The following OSBPL8 variants were observed in gnomAD, a reference collection of about 807,000 sequenced individuals.
OSBPL8 encodes the protein oxysterol binding protein like 8.
OSBPL8 carries 59 observed loss-of-function variants against 125.5 expected under a neutral mutation model. That is an observed-to-expected ratio of 0.47 (90% CI 0.38 to 0.58). The LOEUF is 0.58. Among genes scored for constraint, OSBPL8 ranks in the 20% least tolerant of loss-of-function variants. OSBPL8 has a pLI of 0.00. For synonymous variants in OSBPL8, 330 were observed against 338.9 expected (o/e 0.97, Z 0.29); for missense variants, 758 against 1,047.8 (o/e 0.72, Z 3.82).
At chr12:76,394,542 A>T in intron 9 of OSBPL8, 103 bp downstream of exon 9, 2 of 797,434 alleles carry the variant, frequency 2.5e-6, no homozygotes, top group Non-Finnish European at 2.0e-6. Flanking sequence ...TTCTGCTGCA[A>T]ATGCCATACT....
At chr12:76,447,719 T>G (rs145417497) in intron 4 of OSBPL8, among the ~76,000 whole-genome samples, 1 of 152,166 alleles carries the variant, frequency 6.6e-6, no homozygotes, top group African/African-American at 2.4e-5. Flanking sequence ...AATTTTTTTG[T>G]ATTTTTAAGT....
chr12:76,434,915 T>C (rs540845403), intron 4 of OSBPL8, among the ~76,000 whole-genome samples: 30 of 152,244 alleles, frequency 2.0e-4, no homozygotes, highest in Admixed American at 1.8e-3. Context: ...AGAAAATAAA[T>C]TGGTACATCT....
At position 76,536,298 on chromosome 12, in the gene OSBPL8, C is replaced by A. The variant is rs61925555; in HGVS notation, c.-68+23099G>T. On this transcript the variant is annotated intron_variant, in intron 1 of 23. Coordinates refer to ENST00000261183, the MANE Select transcript of OSBPL8 (RefSeq NM_020841.5). ...GGTCAAAAGTTAGAGACCTGCCTGGCCAACATGGTGAAACTAAAAATACCA... is the reference window on the plus strand; with the variant it reads ...GGTCAAAAGTTAGAGACCTGCCTGGACAACATGGTGAAACTAAAAATACCA... Among the ~76,000 whole-genome samples, 521 of 151,546 alleles carry A rather than the reference C, an allele frequency of 3.4e-3. 2 individuals carry two copies. The highest frequency in any genetic ancestry group is 6.1e-3 in the Non-Finnish European group (412 of 67,874).
intron 1 of OSBPL8, among the ~76,000 whole-genome samples, chr12:76,521,542 G>A (rs1422973072): frequency 6.6e-6 from 1 of 152,062 alleles, no homozygotes; most frequent in Non-Finnish European, 1.5e-5. Flanking sequence ...CTAAAATGTG[G>A]AAACAACCCA....
At chr12:76,388,542 A>G (rs1258731672) in intron 12 of OSBPL8, among the ~76,000 whole-genome samples, 1 of 152,238 alleles carries the variant, frequency 6.6e-6, no homozygotes. Context: ...AAAAGTGCAG[A>G]AGATATTAGA....
At chr12:76,366,283 C>A (rs1952411982) in intron 21 of OSBPL8, among the ~76,000 whole-genome samples, 1 of 152,070 alleles carries the variant, frequency 6.6e-6, no homozygotes, top group Non-Finnish European at 1.5e-5. Context: ...TTTTCTATTT[C>A]TTTTTGAGTC....
At chr12:76,504,439 A>G (rs1048702779) in intron 1 of OSBPL8, among the ~76,000 whole-genome samples, 5 of 152,224 alleles carry the variant, frequency 3.3e-5, no homozygotes, top group African/African-American at 9.6e-5. Context: ...TGGGGATTAT[A>G]GATGTGACTT....
intron 4 of OSBPL8, among the ~76,000 whole-genome samples, chr12:76,428,940 A>C (rs967377070): frequency 6.6e-6 from 1 of 152,152 alleles, no homozygotes; most frequent in Non-Finnish European, 1.5e-5. Flanking sequence ...AAAATAGAAA[A>C]CACAATGATA....
At chr12:76,433,200 T>G (rs188288341) in intron 4 of OSBPL8, among the ~76,000 whole-genome samples, 16 of 152,230 alleles carry the variant, frequency 1.1e-4, no homozygotes, top group Admixed American at 1.0e-3. Flanking sequence ...CCACTTCCAT[T>G]CAACCTAGCA....
At chr12:76,410,920 T>C (rs942848878) in intron 4 of OSBPL8, among the ~76,000 whole-genome samples, 2 of 152,204 alleles carry the variant, frequency 1.3e-5, no homozygotes, top group African/African-American at 4.8e-5. Context: ...TTTATTCTAG[T>C]GAGCTGGTTT....
intron 15 of OSBPL8, among the ~76,000 whole-genome samples, chr12:76,378,946 T>C (rs1045731008): frequency 2.0e-5 from 3 of 151,994 alleles, no homozygotes; most frequent in African/African-American, 4.8e-5. Flanking sequence ...ATTTTTATAT[T>C]TGTAGTAGAG....
intron 1 of OSBPL8, among the ~76,000 whole-genome samples, chr12:76,528,684 A>C (rs1950249002): frequency 6.6e-6 from 1 of 152,026 alleles, no homozygotes; most frequent in Non-Finnish European, 1.5e-5. Context: ...ACACACACAC[A>C]CACACCCACA....
At chr12:76,462,932 G>T (rs984834168) in intron 2 of OSBPL8, among the ~76,000 whole-genome samples, 5 of 152,188 alleles carry the variant, frequency 3.3e-5, no homozygotes, top group African/African-American at 1.2e-4. Flanking sequence ...AAAGTAGTAG[G>T]AGATGAGGTC....
rs1188569154 is a variant in OSBPL8, at chr12:76,478,694, TAC to T, written c.42+8814_42+8815del. Among the ~76,000 whole-genome samples, 8 of 151,730 alleles carry T rather than the reference TAC, an allele frequency of 5.3e-5. No homozygotes were observed. The East Asian group carries it at 1.4e-3, about 26-fold the overall frequency. ...TCTTTAGTACTCACACAATAGGTAA[TAC>T]TGAGCAATATATTCACACTTAGGAA... On this transcript the variant is annotated intron_variant, in intron 2 of 23. Transcript: ENST00000261183.
At chr12:76,409,061 C>A (rs1397760848) in intron 5 of OSBPL8, among the ~76,000 whole-genome samples, 1 of 151,818 alleles carries the variant, frequency 6.6e-6, no homozygotes, top group Non-Finnish European at 1.5e-5. Context: ...TAAATTATTT[C>A]CTACTTTCTT....
At chr12:76,480,167 CAAAAAAA>C (rs57582036) in intron 2 of OSBPL8, among the ~76,000 whole-genome samples, 3 of 56,380 alleles carry the variant, frequency 5.3e-5, no homozygotes, top group South Asian at 9.4e-4. Context: ...AACTCCATCT[CAAAAAAA>C]AAAAAAAAAA....
chr12:76,556,266 C>T (rs572573715), intron 1 of OSBPL8, among the ~76,000 whole-genome samples: 15 of 152,100 alleles, frequency 9.9e-5, no homozygotes, highest in Admixed American at 5.2e-4. Context: ...TCTGGATCTT[C>T]GACAAAGGTA....
chr12:76,360,133 T>G (rs1472650927), intron 21 of OSBPL8, among the ~76,000 whole-genome samples: 2 of 152,160 alleles, frequency 1.3e-5, no homozygotes, highest in Non-Finnish European at 1.5e-5. Flanking sequence ...CTTCTGCCTA[T>G]GAGCCTGTAA....
chr12:76,502,634 T>C (rs1395414507), intron 1 of OSBPL8, among the ~76,000 whole-genome samples: 7 of 152,188 alleles, frequency 4.6e-5, no homozygotes, highest in Non-Finnish European at 1.0e-4. Flanking sequence ...GCATGTTCGG[T>C]GATTAAAGTC....
Sources: gnomAD v4.1 joint callset for allele counts (sites outside exome capture counted in the v4.1 genomes callset) on GRCh38, gnomAD v4.1.1 for gene constraint, MANE v1.5 for transcripts, NCBI Gene and HGNC (gene_info 2026-07-23, HGNC 2026-07-21) for gene names.